Variants in TRAPPC9 observed in about 807,000 individuals in gnomAD.
TRAPPC9 encodes the protein trafficking protein particle complex subunit 9.
In TRAPPC9, 83 loss-of-function variants were observed where a neutral mutation model predicts 124.0. The ratio of observed to expected loss-of-function variants is 0.67; its 90% CI spans 0.56 to 0.80. The LOEUF (loss-of-function observed/expected upper bound fraction) is 0.80, where lower values mean the gene tolerates loss of function less well. TRAPPC9 is among the 30% of genes least tolerant of loss of function. The pLI, the probability that TRAPPC9 is intolerant of heterozygous loss-of-function variation, is 0.00. For missense variants in TRAPPC9, 1,302 were observed against 1,508.3 expected (o/e 0.86, Z 2.27); for synonymous variants, 638 against 617.5 (o/e 1.03, Z -0.49).
At chr8:140,372,123 T>A (rs2068299406) in intron 7 of TRAPPC9, among the ~76,000 whole-genome samples, 1 of 152,152 alleles carries the variant, frequency 6.6e-6, no homozygotes, top group Admixed American at 6.6e-5. Context: ...GACACATTAA[T>A]CACCTGTGCA....
chr8:140,206,589 A>C (rs879328863), intron 17 of TRAPPC9, among the ~76,000 whole-genome samples: 1 of 152,042 alleles, frequency 6.6e-6, no homozygotes, highest in Non-Finnish European at 1.5e-5. Flanking sequence ...TTACGGTCTT[A>C]AGGTGGCTCC....
chr8:140,014,859 G>C (rs376265249), intron 18 of TRAPPC9, among the ~76,000 whole-genome samples: 1 of 152,194 alleles, frequency 6.6e-6, no homozygotes, highest in Admixed American at 6.5e-5. Context: ...TGGGATGCCC[G>C]ACGCAACACC....
Position 140,383,509 on chromosome 8 carries a change from G to C in TRAPPC9, c.1135-12329C>G, listed in dbSNP as rs2068671016. 2.0e-5 allele frequency among the ~76,000 whole-genome samples: 3 copies of C among 152,328 alleles called. No homozygotes were observed. In the South Asian group the frequency reaches 6.2e-4, roughly 32 times the overall value. On this transcript the variant is annotated intron_variant, in intron 7 of 22. Coordinates refer to ENST00000438773, the MANE Select transcript of TRAPPC9 (RefSeq NM_001160372.4). The stretch of plus-strand genomic sequence containing the variant: ...GAAAACGATGGCACGAGAACTACGT[G>C]ACGAATGCACATGCTTCAGTAGCCG...
chr8:140,217,872 C>T (rs1198542097), intron 17 of TRAPPC9, among the ~76,000 whole-genome samples: 2 of 152,134 alleles, frequency 1.3e-5, no homozygotes, highest in Non-Finnish European at 2.9e-5. Flanking sequence ...CAAAAATTAG[C>T]TGGGCATGGT....
At chr8:140,267,139 A>G (rs1588047910) in intron 15 of TRAPPC9, among the ~76,000 whole-genome samples, 1 of 152,196 alleles carries the variant, frequency 6.6e-6, no homozygotes, top group Non-Finnish European at 1.5e-5. Flanking sequence ...TCTGAAGAAA[A>G]AGCGGTTTAT....
intron 17 of TRAPPC9, among the ~76,000 whole-genome samples, chr8:140,090,544 T>C (rs1844496347): frequency 6.6e-6 from 1 of 152,240 alleles, no homozygotes; most frequent in African/African-American, 2.4e-5. Flanking sequence ...CATTTCCAGG[T>C]CACCCGGGAG....
At chr8:140,330,727 G>A (rs2066872951) in intron 9 of TRAPPC9, among the ~76,000 whole-genome samples, 1 of 152,056 alleles carries the variant, frequency 6.6e-6, no homozygotes, top group African/African-American at 2.4e-5. Flanking sequence ...TAAGAAGAAA[G>A]ACCTGTACTA....
chr8:140,094,910 C>T (rs1297506362), intron 17 of TRAPPC9: 2 of 152,250 alleles, frequency 1.3e-5, no homozygotes, highest in Non-Finnish European at 1.5e-5. Context: ...GCACCTAGTA[C>T]ATTTATTTCC....
chr8:139,854,920 C>G (rs1413203770), intron 21 of TRAPPC9, among the ~76,000 whole-genome samples: 1 of 152,206 alleles, frequency 6.6e-6, no homozygotes, highest in Non-Finnish European at 1.5e-5. Context: ...CCTGGCTACC[C>G]CCTTCCTGGC....
intron 17 of TRAPPC9, among the ~76,000 whole-genome samples, chr8:140,093,007 G>A (rs1437312201): frequency 1.3e-5 from 2 of 150,560 alleles, no homozygotes; most frequent in Non-Finnish European, 1.5e-5. Flanking sequence ...TTAGCACATG[G>A]CCTAATGCAA....
intron 19 of TRAPPC9, among the ~76,000 whole-genome samples, chr8:139,979,398 G>A (rs1451730959): frequency 2.0e-5 from 3 of 152,202 alleles, no homozygotes; most frequent in Non-Finnish European, 4.4e-5. Flanking sequence ...CCAGATGGAG[G>A]ACCAAGGTGG....
At chr8:140,403,398 G>A (rs968362176) in intron 6 of TRAPPC9, among the ~76,000 whole-genome samples, 7 of 151,130 alleles carry the variant, frequency 4.6e-5, no homozygotes, top group African/African-American at 7.3e-5. Flanking sequence ...TGCTACACTC[G>A]AGCCTGGGCA....
chr8:140,047,923 C>T (rs1841722571), intron 17 of TRAPPC9, among the ~76,000 whole-genome samples: 1 of 152,242 alleles, frequency 6.6e-6, no homozygotes, highest in Admixed American at 6.5e-5. Context: ...AGGGGCCAGG[C>T]CACAAGCTGC....
intron 14 of TRAPPC9, among the ~76,000 whole-genome samples, chr8:140,281,114 C>G (rs1399506383): frequency 6.6e-6 from 1 of 152,236 alleles, no homozygotes; most frequent in Non-Finnish European, 1.5e-5. Flanking sequence ...ACACAGGTTT[C>G]TGTGTCAACA....
chr8:140,365,969 G>A (rs1366326092), intron 8 of TRAPPC9, among the ~76,000 whole-genome samples: 1 of 152,134 alleles, frequency 6.6e-6, no homozygotes, highest in Non-Finnish European at 1.5e-5. Flanking sequence ...TCCCCTCTAT[G>A]TGGCCATGTG....
At chr8:140,342,505 C>T (rs1271550542) in intron 9 of TRAPPC9, among the ~76,000 whole-genome samples, 1 of 152,162 alleles carries the variant, frequency 6.6e-6, no homozygotes, top group East Asian at 1.9e-4. Flanking sequence ...CCCTTCATTT[C>T]TGCTGGGGTT....
Position 140,062,827 on chromosome 8 carries a change from C to T in TRAPPC9, c.2557-38748G>A, listed in dbSNP as rs183462166. ...GGTCTTCATTCCATCCCCAATTTGGCCCCAGAGCCACCCAGCACCCCGACT... is the reference window on the plus strand; with the variant it reads ...GGTCTTCATTCCATCCCCAATTTGGTCCCAGAGCCACCCAGCACCCCGACT... On this transcript the variant is annotated intron_variant, in intron 17 of 22. Coordinates refer to ENST00000438773, the MANE Select transcript of TRAPPC9 (RefSeq NM_001160372.4). Among the ~76,000 whole-genome samples the T allele has an allele frequency of 6.6e-3, 1,006 of 152,250 alleles. 12 individuals carry two copies. The highest frequency in any genetic ancestry group is 6.9e-3 in the Non-Finnish European group (466 of 68,020).
chr8:140,078,472 C>A (rs559848626), intron 17 of TRAPPC9, among the ~76,000 whole-genome samples: 1 of 151,910 alleles, frequency 6.6e-6, no homozygotes, highest in Non-Finnish European at 1.5e-5. Flanking sequence ...TGGCTGAACA[C>A]GGGGGAGGGC....
chr8:139,984,902 A>G lies in TRAPPC9; in HGVS notation c.2810+3824T>C, dbSNP rs1216021865. On this transcript the variant is annotated intron_variant, in intron 19 of 22. Transcript: ENST00000438773. The surrounding 1 kb of genome is among the most constrained non-coding windows in gnomAD (Gnocchi z 4.3). ...CCAACGCTCCCACCCGGCCCGGGAC[A>G]GCAAGATGCCCTTGTCAGGCAGAAA... is the stretch of plus-strand genomic sequence containing the variant. Among the ~76,000 whole-genome samples, 2 of 152,186 alleles carry G rather than the reference A, an allele frequency of 1.3e-5. No homozygotes were observed. The highest frequency in any genetic ancestry group is 2.9e-5 in the Non-Finnish European group (2 of 68,034).
Sources: allele counts gnomAD v4.1 joint callset (sites outside exome capture counted in the v4.1 genomes callset), GRCh38; gene constraint gnomAD v4.1.1; non-coding constraint Gnocchi (gnomAD v3.1); transcripts MANE v1.5; gene names NCBI Gene and HGNC (gene_info 2026-07-23, HGNC 2026-07-21).